Variants in RNASEH1 observed in about 807,000 individuals in gnomAD.
The protein encoded by RNASEH1 is ribonuclease H1.
Under a neutral mutation model 34.6 loss-of-function variants are expected in RNASEH1, and 27 were observed. The ratio of observed to expected loss-of-function variants is 0.78; its 90% CI spans 0.58 to 1.08. RNASEH1 has a LOEUF of 1.08. Among genes scored for constraint, RNASEH1 ranks in the 50% least tolerant of loss-of-function variants. The pLI, the probability that RNASEH1 is intolerant of heterozygous loss-of-function variation, is 0.00. For missense variants in RNASEH1, 349 were observed against 373.6 expected, an observed-to-expected ratio of 0.93 and a Z score of 0.54; for synonymous variants, 162 against 138.4, an observed-to-expected ratio of 1.17 and a Z score of -1.20.
downstream of RNASEH1, among the ~76,000 whole-genome samples, chr2:3,540,686 C>T (rs1270524203): frequency 6.6e-6 from 1 of 152,170 alleles, no homozygotes; most frequent in Non-Finnish European, 1.5e-5. Context: ...GGACTACAGG[C>T]GTGAGCCACT....
the RNASEH1 span, chr2:3,532,360 A>T: frequency 1.4e-6 from 1 of 702,370 alleles, no homozygotes; most frequent in Non-Finnish European, 2.6e-6. Context: ...CACAGGTGCC[A>T]GCCAGAGAGG....
chr2:3,541,674 G>A lies in RNASEH1; in HGVS notation c.*4111C>T, dbSNP rs1025699891. On this transcript the variant is annotated 3_prime_UTR_variant, in exon 8 of 8. Coordinates refer to ENST00000315212, the MANE Select transcript of RNASEH1 (RefSeq NM_002936.6). ...TAGAATATATAAATTAACCTTTAGT[G>A]AGAGGGAGCAGACCAGTGGTTGCCT... Among the ~76,000 whole-genome samples the A allele has an allele frequency of 1.3e-5, 2 of 152,224 alleles. No homozygotes were observed. The highest frequency in any genetic ancestry group is 4.8e-5 in the African/African-American group (2 of 41,462).
chr2:3,548,121 T>G, intron 6 of RNASEH1, 66 bp from the exon 7 acceptor site: 1 of 1,569,414 alleles, frequency 6.4e-7, no homozygotes, highest in East Asian at 2.2e-5. Context: ...CTCCTTAGTC[T>G]TACCTCTTAT....
At position 3,543,993 on chromosome 2, in the gene RNASEH1, T is replaced by C. The variant is rs1014622574; in HGVS notation, c.*1792A>G. 2.0e-5 allele frequency among the ~76,000 whole-genome samples: 3 copies of C among 152,286 alleles called. No individual in the cohort carries two copies. The highest frequency in any genetic ancestry group is 4.8e-5 in the African/African-American group (2 of 41,558). On this transcript the variant is annotated 3_prime_UTR_variant, in exon 8 of 8. Transcript: ENST00000315212. ...CAACTAATGCATTATCTTAAAAACT[T>C]AGTGTACAAGAGCAAAGAATCAAGC...
chr2:3,547,636 C>T (rs932760430), intron 7 of RNASEH1, among the ~76,000 whole-genome samples: 6 of 151,984 alleles, frequency 3.9e-5, no homozygotes, highest in African/African-American at 1.5e-4. Context: ...TACAGGCACA[C>T]ACCACCATGC....
chr2:3,556,182 A>G (rs549890512), intron 2 of RNASEH1, among the ~76,000 whole-genome samples: 13 of 152,304 alleles, frequency 8.5e-5, no homozygotes, highest in Non-Finnish European at 1.5e-4. Flanking sequence ...GGAAAAAAAA[A>G]AAGAAGAAAT....
Position 3,556,829 on chromosome 2 carries a change from C to T in RNASEH1, c.204G>A (p.Trp68Ter). The change falls in exon 2 of 8, where the codon TGG becomes TGA. Residue 68 changes from tryptophan to a stop codon, truncating the protein, a stop_gained. Transcript: ENST00000315212. LOFTEE classifies it high-confidence loss of function. ...GGCTTGCAGATTTCCTGACAAAGGC[C>T]CAGGCCTCATCCTCTGTGGCAAACT... ...FKKFATEDEA[W>*]AFVRKSASPE... 1.2e-6 allele frequency: 2 copies of T among 1,614,056 alleles called. No individual in the cohort carries two copies. The highest frequency in any genetic ancestry group is 1.7e-6 in the Non-Finnish European group (2 of 1,179,894).
At chr2:3,538,338 G>A (rs1246447444), downstream of RNASEH1, among the ~76,000 whole-genome samples, 1 of 151,428 alleles carries the variant, frequency 6.6e-6, no homozygotes, top group African/African-American at 2.4e-5. Context: ...AGCAACAAGA[G>A]CAAAACTCCA....
chr2:3,532,021 G>C, the RNASEH1 span: 2 of 536,874 alleles, frequency 3.7e-6, no homozygotes, highest in Non-Finnish European at 6.7e-6. Flanking sequence ...ATTCCATTTG[G>C]CCAAAGCAAG....
At chr2:3,537,087 C>T (rs1242956891), downstream of RNASEH1, among the ~76,000 whole-genome samples, 1 of 152,228 alleles carries the variant, frequency 6.6e-6, no homozygotes. Flanking sequence ...GGGATCCATT[C>T]AGTTCCTAAA....
At chr2:3,548,762 G>C in intron 5 of RNASEH1, 38 bp from the exon 6 acceptor site, 1 of 1,436,922 alleles carries the variant, frequency 7.0e-7, no homozygotes, top group Non-Finnish European at 9.8e-7. Flanking sequence ...TACAGAAAAT[G>C]TTCAACTCTG....
rs1245687488 is a variant in RNASEH1 at position 3,547,881 on chromosome 2, A to T, written c.774+50T>A. On this transcript the variant is annotated intron_variant, in intron 7 of 7. Coordinates refer to ENST00000315212, the MANE Select transcript of RNASEH1 (RefSeq NM_002936.6). ...TAAACCATTAATCTCTAGTAAACTT[A>T]GCTTATTTGGTCATAATGGCCATAG... 2.5e-6 allele frequency: 4 copies of T among 1,577,208 alleles called. No homozygotes were observed. The African/African-American group carries it at 5.4e-5, about 21-fold the overall frequency.
At chr2:3,538,750 A>C (rs1205366500), downstream of RNASEH1, among the ~76,000 whole-genome samples, 2 of 152,186 alleles carry the variant, frequency 1.3e-5, no homozygotes, top group East Asian at 3.9e-4. Flanking sequence ...CAATCTGCAG[A>C]GTGGGGACTG....
chr2:3,549,282 C>T (rs1205556447), intron 4 of RNASEH1, among the ~76,000 whole-genome samples, 170 bp from the exon 5 acceptor site: 1 of 152,222 alleles, frequency 6.6e-6, no homozygotes, highest in Non-Finnish European at 1.5e-5. Flanking sequence ...GGTTTCCACA[C>T]TTGGGCACCT....
At chr2:3,539,961 G>T (rs114780302), downstream of RNASEH1, among the ~76,000 whole-genome samples, 1,143 of 152,224 alleles carry the variant, frequency 7.5e-3, 10 homozygotes, top group Middle Eastern at 0.017. Flanking sequence ...TTGACCTCCG[G>T]CTTCGTGCAC....
At chr2:3,545,974 A>G (rs1323467079) in intron 7 of RNASEH1, 103 bp from the exon 8 acceptor site, 8 of 808,080 alleles carry the variant, frequency 9.9e-6, no homozygotes, top group South Asian at 1.4e-5. Flanking sequence ...ACTGCACAGC[A>G]TAAGCTCAAC....
intron 6 of RNASEH1, among the ~76,000 whole-genome samples, 153 bp from the exon 7 acceptor site, chr2:3,548,208 T>C (rs1668938024): frequency 6.6e-6 from 1 of 152,236 alleles, no homozygotes; most frequent in African/African-American, 2.4e-5. Context: ...CTTTGGCCTT[T>C]GGCACAGCCT....
the RNASEH1 span, chr2:3,532,329 A>C: frequency 1.4e-6 from 1 of 702,354 alleles, no homozygotes; most frequent in East Asian, 2.7e-5. Flanking sequence ...ACAAGAAATA[A>C]TGGGTACAAA....
intron 1 of RNASEH1, chr2:3,557,927 T>TCTTC: frequency 6.5e-7 from 1 of 1,531,122 alleles, no homozygotes. Context: ...TTCAAACAAG[T>TCTTC]CTTCGGTGCG....
Sources: allele counts gnomAD v4.1 joint callset (sites outside exome capture counted in the v4.1 genomes callset), GRCh38; gene constraint gnomAD v4.1.1; transcripts MANE v1.5; gene names NCBI Gene and HGNC (gene_info 2026-07-23, HGNC 2026-07-21).